Variants in LDAH observed in about 807,000 individuals in gnomAD.
LDAH encodes lipid droplet associated hydrolase.
LDAH carries 26 observed loss-of-function variants against 29.6 expected under a neutral mutation model. The ratio of observed to expected loss-of-function variants is 0.88; its 90% CI spans 0.64 to 1.22. The LOEUF is 1.22. Among genes scored for constraint, LDAH ranks in the 50% most tolerant of loss-of-function variants. LDAH has a pLI of 0.00. For synonymous variants in LDAH, 117 were observed against 133.0 expected (o/e 0.88, Z 0.83); for missense variants, 344 against 387.3 (o/e 0.89, Z 0.94).
At position 20,774,663 on chromosome 2, in the gene LDAH, G is replaced by C; in HGVS notation, c.468+147C>G. ...ATTCACATAAGCCCATCGTAATATG[G>C]AGATAAGGATAAAGGCAGAAAGCAA... On this transcript the variant is annotated intron_variant, in intron 4 of 6. Coordinates refer to ENST00000237822, the MANE Select transcript of LDAH (RefSeq NM_021925.4). The C allele has an allele frequency of 4.0e-6, 3 of 744,980 alleles. No individual in the cohort carries two copies. The South Asian group carries it at 5.3e-5, about 13-fold the overall frequency. The allele number at this position is 744,980 out of a possible 1,614,324, so 46.1% of individuals were successfully genotyped here.
intron 6 of LDAH, among the ~76,000 whole-genome samples, chr2:20,700,683 T>A (rs1663865349): frequency 6.6e-6 from 1 of 152,208 alleles, no homozygotes; most frequent in South Asian, 2.1e-4. Context: ...ATATGCAATT[T>A]TAGAATTTCC....
chr2:20,783,852 C>T (rs1670370992), intron 3 of LDAH, among the ~76,000 whole-genome samples: 1 of 152,192 alleles, frequency 6.6e-6, no homozygotes, highest in South Asian at 2.1e-4. Context: ...GGCTGAACCA[C>T]AGGTGCGTGC....
At chr2:20,693,486 G>A (rs1264936894) in intron 6 of LDAH, among the ~76,000 whole-genome samples, 1 of 152,106 alleles carries the variant, frequency 6.6e-6, no homozygotes, top group Non-Finnish European at 1.5e-5. Flanking sequence ...CCCCAGACAT[G>A]ACTGTAGAGA....
chr2:20,751,039 G>T (rs962776753), intron 4 of LDAH, among the ~76,000 whole-genome samples: 5 of 152,158 alleles, frequency 3.3e-5, no homozygotes, highest in African/African-American at 7.2e-5. Context: ...TACCTATTGG[G>T]TACTATGCTC....
At chr2:20,716,164 T>C (rs145042658) in intron 5 of LDAH, among the ~76,000 whole-genome samples, 155 of 152,290 alleles carry the variant, frequency 1.0e-3, no homozygotes, top group African/African-American at 3.7e-3. Context: ...CGGAAGACAG[T>C]GTGGCAATTC....
At chr2:20,706,168 T>C (rs1664290228) in intron 5 of LDAH, among the ~76,000 whole-genome samples, 2 of 152,274 alleles carry the variant, frequency 1.3e-5, no homozygotes, top group South Asian at 4.1e-4. Context: ...ATGGATTAGA[T>C]ATTAGGAGAA....
chr2:20,793,556 G>A (rs933352853), intron 2 of LDAH, among the ~76,000 whole-genome samples: 3 of 152,128 alleles, frequency 2.0e-5, no homozygotes, highest in Non-Finnish European at 4.4e-5. Flanking sequence ...ATCAAATCTT[G>A]TATGAGATCA....
intron 4 of LDAH, among the ~76,000 whole-genome samples, chr2:20,743,688 G>C (rs1317342180): frequency 6.6e-6 from 1 of 152,012 alleles, no homozygotes; most frequent in Non-Finnish European, 1.5e-5. Flanking sequence ...TCTTTATGGA[G>C]ATCTGAGTTT....
intron 4 of LDAH, among the ~76,000 whole-genome samples, chr2:20,763,849 G>A (rs181680447): frequency 6.6e-6 from 1 of 152,302 alleles, no homozygotes; most frequent in East Asian, 1.9e-4. Context: ...AAAGTACTAA[G>A]TATTAACATG....
At chr2:20,764,619 G>C (rs1312296083) in intron 4 of LDAH, among the ~76,000 whole-genome samples, 1 of 152,086 alleles carries the variant, frequency 6.6e-6, no homozygotes, top group African/African-American at 2.4e-5. Context: ...GCATTCACCT[G>C]CTTCCTACTA....
At chr2:20,747,341 C>T (rs954313281) in intron 4 of LDAH, among the ~76,000 whole-genome samples, 1 of 152,062 alleles carries the variant, frequency 6.6e-6, no homozygotes, top group South Asian at 2.1e-4. Flanking sequence ...ATTAGTTTAA[C>T]CCACCCAATG....
intron 5 of LDAH, among the ~76,000 whole-genome samples, chr2:20,731,914 C>T (rs1481165496): frequency 1.3e-5 from 2 of 151,348 alleles, no homozygotes; most frequent in Admixed American, 1.3e-4. Context: ...GCAGAACCAT[C>T]CTTGGGATTT....
At chr2:20,720,119 G>C (rs1221153047) in intron 5 of LDAH, among the ~76,000 whole-genome samples, 1 of 152,040 alleles carries the variant, frequency 6.6e-6, no homozygotes, top group Non-Finnish European at 1.5e-5. Context: ...AGAGCAATTA[G>C]GCAAGAGAAA....
chr2:20,698,043 T>A lies in LDAH; in HGVS notation c.786+3527A>T, dbSNP rs1452412257. 6.6e-6 allele frequency among the ~76,000 whole-genome samples: 1 copy of A among 152,218 alleles called. No individual in the cohort carries two copies. The highest frequency in any genetic ancestry group is 1.5e-5 in the Non-Finnish European group (1 of 68,046). On this transcript the variant is annotated intron_variant, in intron 6 of 6. Coordinates refer to ENST00000237822, the MANE Select transcript of LDAH (RefSeq NM_021925.4). This position sits in a 1 kb window ranked among gnomAD's most constrained non-coding sequence, Gnocchi z 4.4. ...TTGTAATCTTGTGTATTTTATGCAC[T>A]TAACATCATTGTGAGTAGAATCCAA...
downstream of LDAH, among the ~76,000 whole-genome samples, chr2:20,682,565 G>A (rs1662351140): frequency 6.6e-6 from 1 of 152,230 alleles, no homozygotes; most frequent in African/African-American, 2.4e-5. Context: ...GGCATCTGGT[G>A]AGGACCTTTG....
At chr2:20,691,189 T>G (rs1319956153) in intron 6 of LDAH, among the ~76,000 whole-genome samples, 1 of 152,212 alleles carries the variant, frequency 6.6e-6, no homozygotes, top group Non-Finnish European at 1.5e-5. Context: ...ATTTACTTTT[T>G]TATTCTGAGA....
intron 1 of LDAH, among the ~76,000 whole-genome samples, chr2:20,810,063 T>C (rs1308242879): frequency 6.6e-6 from 1 of 152,240 alleles, no homozygotes; most frequent in Admixed American, 6.5e-5. Context: ...TTACTATGCT[T>C]ATGGATTCTG....
intron 1 of LDAH, among the ~76,000 whole-genome samples, chr2:20,819,356 ATACT>A (rs1407604808): frequency 1.3e-5 from 2 of 152,226 alleles, no homozygotes; most frequent in African/African-American, 2.4e-5. Context: ...TGGTTGAGGT[ATACT>A]TAAAGTGACT....
intron 6 of LDAH, among the ~76,000 whole-genome samples, chr2:20,696,611 C>G (rs747370628): frequency 6.6e-6 from 1 of 152,152 alleles, no homozygotes; most frequent in Non-Finnish European, 1.5e-5. Context: ...AGAATTCCCC[C>G]CCTAAGTGGG....
Sources: gnomAD v4.1 joint callset for allele counts (sites outside exome capture counted in the v4.1 genomes callset) on GRCh38, gnomAD v4.1.1 for gene constraint, Gnocchi (gnomAD v3.1) non-coding constraint, MANE v1.5 for transcripts, NCBI Gene and HGNC (gene_info 2026-07-23, HGNC 2026-07-21) for gene names.